The following FRA10AC1 variants were observed in gnomAD, a reference collection of about 807,000 sequenced individuals.
FRA10AC1 encodes the protein FRA10A associated CGG repeat 1, also known as protein FRA10AC1.
FRA10AC1 carries 43 observed loss-of-function variants against 56.5 expected under a neutral mutation model. The ratio of observed to expected loss-of-function variants is 0.76; its 90% CI spans 0.60 to 0.98. FRA10AC1 has a LOEUF of 0.98. Among genes scored for constraint, FRA10AC1 ranks in the 50% least tolerant of loss-of-function variants. The pLI is 0.00. For synonymous variants in FRA10AC1, 112 were observed against 110.5 expected (o/e 1.01, Z -0.09); for missense variants, 346 against 351.8 (o/e 0.98, Z 0.13).
At chr10:93,678,078 G>A (rs2058873957) in intron 11 of FRA10AC1, among the ~76,000 whole-genome samples, 1 of 152,172 alleles carries the variant, frequency 6.6e-6, no homozygotes, top group South Asian at 2.1e-4. Context: ...ATTTCTAAAG[G>A]AGAAGTGACA....
At chr10:93,683,119 T>C (rs12766308) in intron 10 of FRA10AC1, among the ~76,000 whole-genome samples, 61,805 of 152,066 alleles carry the variant, frequency 0.41, 14,694 homozygotes, top group Non-Finnish European at 0.52. Flanking sequence ...TGGCAAGCAC[T>C]TTACATGCAC....
At chr10:93,675,920 C>A (rs996705683) in intron 12 of FRA10AC1, among the ~76,000 whole-genome samples, 13 of 152,076 alleles carry the variant, frequency 8.5e-5, no homozygotes, top group Admixed American at 7.9e-4. Flanking sequence ...TGGATGTACC[C>A]TTTTATAAAC....
chr10:93,690,880 A>G (rs2059114392), intron 7 of FRA10AC1, among the ~76,000 whole-genome samples: 1 of 152,208 alleles, frequency 6.6e-6, no homozygotes. Context: ...AATAGGGTAT[A>G]CAAAATGAAC....
chr10:93,673,462 G>A, intron 12 of FRA10AC1: 1 of 413,170 alleles, frequency 2.4e-6, no homozygotes. Flanking sequence ...TTTAGAGTGT[G>A]GTGCCTAAAA....
chr10:93,681,671 CA>C, intron 10 of FRA10AC1, 73 bp from the exon 11 acceptor site: 2 of 1,305,628 alleles, frequency 1.5e-6, no homozygotes, highest in Non-Finnish European at 2.0e-6. Context: ...ATCATATGAA[CA>C]AAAAACCAAA....
At chr10:93,696,216 C>T (rs1357675253) in intron 4 of FRA10AC1, among the ~76,000 whole-genome samples, 4 of 152,148 alleles carry the variant, frequency 2.6e-5, no homozygotes, top group South Asian at 2.1e-4. Flanking sequence ...AGCGAGTTCC[C>T]TAGGTTTTCT....
At chr10:93,686,170 T>A (rs1385407504) in intron 8 of FRA10AC1, among the ~76,000 whole-genome samples, 1 of 151,884 alleles carries the variant, frequency 6.6e-6, no homozygotes, top group African/African-American at 2.4e-5. Context: ...TCATAAAAAT[T>A]AAGAAATTAT....
intron 8 of FRA10AC1, among the ~76,000 whole-genome samples, chr10:93,686,713 T>C (rs1000366836): frequency 1.3e-4 from 19 of 151,894 alleles, no homozygotes; most frequent in Admixed American, 7.9e-4. Context: ...AAAGGTTTTT[T>C]AAAGTAAGTT....
At chr10:93,678,104 T>C (rs1295113241) in intron 11 of FRA10AC1, among the ~76,000 whole-genome samples, 1 of 152,174 alleles carries the variant, frequency 6.6e-6, no homozygotes. Flanking sequence ...TATTGGAATA[T>C]GTAAGAGGAA....
At chr10:93,685,390 T>C (rs1326400241) in intron 8 of FRA10AC1, 31 bp from the exon 9 acceptor site, 1 of 948,744 alleles carries the variant, frequency 1.1e-6, no homozygotes, top group Non-Finnish European at 1.7e-6. Context: ...TTAGCTATGG[T>C]AGTTGGTGAT....
chr10:93,689,199 A>G (rs1276265653), intron 7 of FRA10AC1, among the ~76,000 whole-genome samples: 2 of 151,930 alleles, frequency 1.3e-5, no homozygotes, highest in East Asian at 1.9e-4. Context: ...GCCTCAAGCT[A>G]TCCTCCCACC....
intron 2 of FRA10AC1, among the ~76,000 whole-genome samples, chr10:93,699,122 G>A (rs962195471): frequency 1.1e-4 from 16 of 152,146 alleles, no homozygotes; most frequent in African/African-American, 3.9e-4. Flanking sequence ...TTATAGTGAT[G>A]AATATAATCC....
chr10:93,697,493 T>C (rs1197805332), intron 4 of FRA10AC1, among the ~76,000 whole-genome samples: 1 of 152,228 alleles, frequency 6.6e-6, no homozygotes, highest in African/African-American at 2.4e-5. Context: ...AGTTTTTGCT[T>C]GGTATCTCTT....
rs1356072482 is a variant in FRA10AC1, at chr10:93,676,649, T to A, written c.826+4A>T. The stretch of plus-strand genomic sequence containing the variant: ...TTTTTATTAAATAAACACTTGTTAC[T>A]TACTAAGTAGAGAATCTTCAGATTT... On this transcript the variant is annotated splice_donor_region_variant and intron_variant, in intron 12 of 13. Coordinates refer to ENST00000359204, the MANE Select transcript of FRA10AC1 (RefSeq NM_145246.5). 1.9e-6 allele frequency: 3 copies of A among 1,558,218 alleles called. No homozygotes were observed. In the African/African-American group the frequency reaches 4.2e-5, roughly 22 times the overall value.
intron 5 of FRA10AC1, 98 bp from the exon 6 acceptor site, chr10:93,692,827 A>G: frequency 1.6e-6 from 1 of 620,838 alleles, no homozygotes; most frequent in Non-Finnish European, 2.7e-6. Context: ...TTAAAAATAT[A>G]ATACATGAAG....
At chr10:93,683,041 A>G (rs1035311732) in intron 10 of FRA10AC1, among the ~76,000 whole-genome samples, 1 of 152,224 alleles carries the variant, frequency 6.6e-6, no homozygotes, top group Admixed American at 6.5e-5. Context: ...TATCCAGCGC[A>G]TAAAACCTGA....
intron 11 of FRA10AC1, among the ~76,000 whole-genome samples, chr10:93,676,914 T>C (rs2058852438): frequency 6.6e-6 from 1 of 152,110 alleles, no homozygotes; most frequent in African/African-American, 2.4e-5. Flanking sequence ...TGGTCTGTAA[T>C]AGCCAGCACA....
chr10:93,677,655 T>C (rs1328641884), intron 11 of FRA10AC1, among the ~76,000 whole-genome samples: 1 of 152,158 alleles, frequency 6.6e-6, no homozygotes, highest in East Asian at 1.9e-4. Flanking sequence ...TTATTTTTGA[T>C]AGTAGTGGGT....
At chr10:93,674,014 A>G (rs2058806343) in intron 12 of FRA10AC1, 2 of 165,324 alleles carry the variant, frequency 1.2e-5, no homozygotes, top group Admixed American at 6.1e-5. Context: ...GCCATTAACT[A>G]TTTGACCTTG....
Sources: gnomAD v4.1 joint callset for allele counts (sites outside exome capture counted in the v4.1 genomes callset) on GRCh38, gnomAD v4.1.1 for gene constraint, MANE v1.5 for transcripts, NCBI Gene and HGNC (gene_info 2026-07-23, HGNC 2026-07-21) for gene names.